Variants in VEGFD observed in about 807,000 individuals in gnomAD.
The protein encoded by VEGFD is vascular endothelial growth factor D, also known as c-fos induced growth factor (vascular endothelial growth factor D).
In VEGFD, 26 loss-of-function variants were observed where a neutral mutation model predicts 28.0. The ratio of observed to expected loss-of-function variants is 0.93; its 90% CI spans 0.68 to 1.29. The LOEUF is 1.29. Ranked by LOEUF, VEGFD falls within the 50% of genes most tolerant of loss-of-function variation. VEGFD has a pLI of 0.00. For missense variants in VEGFD, 294 were observed against 273.4 expected, an observed-to-expected ratio of 1.08 and a Z score of -0.53; for synonymous variants, 93 against 95.5, an observed-to-expected ratio of 0.97 and a Z score of 0.15.
At chrX:15,360,821 T>A (rs1055174200) in intron 2 of VEGFD, among the ~76,000 whole-genome samples, 3 of 112,487 alleles carry the variant, frequency 2.7e-5, no homozygotes, top group Non-Finnish European at 5.6e-5. Context: ...AATTTAAAAT[T>A]CTACTTAAAG....
At chrX:15,365,058 T>A (rs1923111901) in intron 1 of VEGFD, among the ~76,000 whole-genome samples, 1 of 112,517 alleles carries the variant, frequency 8.9e-6, no homozygotes, top group Admixed American at 9.4e-5. Context: ...TGCACTTATG[T>A]ACATCATATA....
intron 2 of VEGFD, among the ~76,000 whole-genome samples, chrX:15,359,272 T>A (rs746704260): frequency 3.0e-4 from 33 of 109,782 alleles, no homozygotes; most frequent in Non-Finnish European, 4.9e-4. Flanking sequence ...CAGTCTTGTT[T>A]CTACTTATTG....
At chrX:15,383,457 A>G (rs184876860) in intron 1 of VEGFD, among the ~76,000 whole-genome samples, 1 of 112,661 alleles carries the variant, frequency 8.9e-6, no homozygotes, top group East Asian at 2.8e-4. Context: ...CCAAACGAAT[A>G]AACTAACCTC....
At chrX:15,353,256 T>A (rs1922776292) in intron 4 of VEGFD, 88 bp from the exon 5 acceptor site, 1 of 417,234 alleles carries the variant, frequency 2.4e-6, no homozygotes, top group African/African-American at 2.6e-5. Flanking sequence ...GAGTAGATAA[T>A]AGTTAAGATT....
chrX:15,374,095 T>A (rs1923377600), intron 1 of VEGFD, among the ~76,000 whole-genome samples: 1 of 111,993 alleles, frequency 8.9e-6, no homozygotes, highest in East Asian at 2.8e-4. Flanking sequence ...AACAGCTTAC[T>A]GGAAAGAAAA....
At chrX:15,382,416 A>G (rs1391465174) in intron 1 of VEGFD, among the ~76,000 whole-genome samples, 7 of 112,169 alleles carry the variant, frequency 6.2e-5, no homozygotes, top group Non-Finnish European at 1.3e-4. Context: ...GAGCAACCTA[A>G]AGAATATGAC....
chrX:15,375,811 C>T (rs1252056419), intron 1 of VEGFD, among the ~76,000 whole-genome samples: 1 of 111,238 alleles, frequency 9.0e-6, no homozygotes, highest in Admixed American at 9.6e-5. Context: ...CCTCCACATC[C>T]TCCAATTTGA....
At chrX:15,354,721 G>A (rs997102213) in intron 4 of VEGFD, among the ~76,000 whole-genome samples, 3 of 111,367 alleles carry the variant, frequency 2.7e-5, no homozygotes, top group East Asian at 2.8e-4. Flanking sequence ...CAAAACTCAC[G>A]TGCTGCTAGT....
intron 1 of VEGFD, among the ~76,000 whole-genome samples, chrX:15,370,186 C>G (rs1043897266): frequency 1.8e-5 from 2 of 111,661 alleles, no homozygotes; most frequent in Non-Finnish European, 3.8e-5. Context: ...TGAATTGTGT[C>G]ATTTCTTGTT....
rs1176934317 is a variant in VEGFD at position 15,384,083 on chromosome X, A to C, written c.-137T>G. 2.3e-6 allele frequency: 1 copy of C among 442,015 alleles called. No homozygotes were observed. Among genetic ancestry groups the C allele is most frequent in the Non-Finnish European group, 4.0e-6 (1 of 251,712 alleles). The allele number at this position is 442,015 out of a possible 1,213,427, so 36.4% of individuals were successfully genotyped here. On this transcript the variant is annotated 5_prime_UTR_variant, in exon 1 of 7. Coordinates refer to ENST00000297904, the MANE Select transcript of VEGFD (RefSeq NM_004469.5). ...ACAGAAAACCAAATAATCAGTTCTGATCAAAATCCAATGAAATTATTTCAA... is the reference window on the plus strand; with the variant it reads ...ACAGAAAACCAAATAATCAGTTCTGCTCAAAATCCAATGAAATTATTTCAA...
chrX:15,359,634 A>G lies in VEGFD; in HGVS notation c.302-1441T>C, dbSNP rs186514181. ...TGTTCAACTCCCACTTATGAGTGAG[A>G]ACATGCGGTGTTTGGTTTTCAGTTC... On this transcript the variant is annotated intron_variant, in intron 2 of 6. Coordinates refer to ENST00000297904, the MANE Select transcript of VEGFD (RefSeq NM_004469.5). Among the ~76,000 whole-genome samples the G allele has an allele frequency of 4.7e-3, 525 of 110,580 alleles. 4 individuals carry two copies. The highest frequency in any genetic ancestry group is 0.017 in the African/African-American group (513 of 30,339).
In VEGFD at chrX:15,351,277, G is replaced by A. The variant is rs778948139; in HGVS notation, c.742+1791C>T. On this transcript the variant is annotated intron_variant, in intron 5 of 6. Transcript: ENST00000297904. ...ACTACAGGCGCCCGCCACTACGCCCGGCTAATTTTTTTTTTGTATTTTTAG... is the reference window on the plus strand; with the variant it reads ...ACTACAGGCGCCCGCCACTACGCCCAGCTAATTTTTTTTTTGTATTTTTAG... Among the ~76,000 whole-genome samples, 8 of 104,111 alleles carry A rather than the reference G, an allele frequency of 7.7e-5. No individual in the cohort carries two copies. In the East Asian group the frequency reaches 1.8e-3, roughly 23 times the overall value. 90.4% of individuals were successfully genotyped at this position (104,111 alleles called of 115,157 possible). A position where few individuals can be genotyped will look rare whatever the true frequency, so the allele number is the denominator to read the frequency against.
chrX:15,350,811 T>TTCTTTCTC (rs1922682227), intron 5 of VEGFD, among the ~76,000 whole-genome samples: 1 of 101,110 alleles, frequency 9.9e-6, no homozygotes, highest in Non-Finnish European at 2.0e-5. Context: ...CTTTCTTTCT[T>TTCTTTCTC]TCTCTCTCTC....
rs1172024260 is a variant in VEGFD at position 15,354,028 on chromosome X, G to T, written c.642-860C>A. Among the ~76,000 whole-genome samples the T allele has an allele frequency of 1.8e-5, 2 of 108,472 alleles. 1 individual carries two copies. The highest frequency in any genetic ancestry group is 8.2e-4 in the South Asian group (2 of 2,426). 94.2% of individuals were successfully genotyped at this position (108,472 alleles called of 115,157 possible). A position where few individuals can be genotyped will look rare whatever the true frequency, so the allele number is the denominator to read the frequency against. Reference sequence around the variant, plus strand: ...CTGTTGCCCAGGCTGGAGTGCAGTGGCGCGATCTCGGCTCACTGCAAGCTC... The same window carrying T: ...CTGTTGCCCAGGCTGGAGTGCAGTGTCGCGATCTCGGCTCACTGCAAGCTC... On this transcript the variant is annotated intron_variant, in intron 4 of 6. Transcript: ENST00000297904.
chrX:15,348,460 A>G (rs1473088510), intron 5 of VEGFD, among the ~76,000 whole-genome samples: 1 of 112,246 alleles, frequency 8.9e-6, no homozygotes, highest in Non-Finnish European at 1.9e-5. Context: ...CCCACAATAA[A>G]AACCAATTTT....
intron 1 of VEGFD, among the ~76,000 whole-genome samples, chrX:15,372,463 C>A (rs1417939434): frequency 1.8e-5 from 2 of 111,228 alleles, no homozygotes; most frequent in Non-Finnish European, 3.8e-5. Flanking sequence ...ATAAAGCAGG[C>A]ATTCAAAATC....
intron 1 of VEGFD, among the ~76,000 whole-genome samples, chrX:15,373,229 G>C (rs190443917): frequency 1.8e-5 from 2 of 111,973 alleles, no homozygotes; most frequent in Non-Finnish European, 3.8e-5. Flanking sequence ...GTACCTAGCC[G>C]GTTCCAATGC....
intron 1 of VEGFD, among the ~76,000 whole-genome samples, chrX:15,379,805 T>C (rs1183248231): frequency 8.9e-6 from 1 of 112,152 alleles, no homozygotes; most frequent in Non-Finnish European, 1.9e-5. Context: ...TGGAATCATG[T>C]GTGTGGACAA....
chrX:15,364,871 G>C (rs1262167725), intron 1 of VEGFD, among the ~76,000 whole-genome samples: 1 of 112,353 alleles, frequency 8.9e-6, no homozygotes, highest in Non-Finnish European at 1.9e-5. Flanking sequence ...CTCAAAAGCT[G>C]TAGTTAAAAT....
Sources: allele counts gnomAD v4.1 joint callset (sites outside exome capture counted in the v4.1 genomes callset), GRCh38; gene constraint gnomAD v4.1.1; transcripts MANE v1.5; gene names NCBI Gene and HGNC (gene_info 2026-07-23, HGNC 2026-07-21).